ZFHX2: variants seen among roughly 807,000 people sequenced by gnomAD.
ZFHX2 encodes zinc finger homeobox protein 2.
Under a neutral mutation model 164.8 loss-of-function variants are expected in ZFHX2, and 75 were observed. The ratio of observed to expected loss-of-function variants is 0.46; its 90% CI spans 0.38 to 0.55. The LOEUF is 0.55. Ranked by LOEUF, ZFHX2 falls within the 20% of genes least tolerant of loss-of-function variation. The pLI is 0.00. For missense variants in ZFHX2, 2,933 were observed against 3,308.0 expected (o/e 0.89, Z 2.78); for synonymous variants, 1,217 against 1,351.4 (o/e 0.90, Z 2.18).
intron 1 of ZFHX2, among the ~76,000 whole-genome samples, chr14:23,540,919 T>C (rs1383555808): frequency 6.6e-6 from 1 of 152,010 alleles, no homozygotes; most frequent in African/African-American, 2.4e-5. Context: ...CTCTCTTTTT[T>C]TTTTGAGACA....
At chr14:23,529,194 G>C (rs1205500481) in intron 6 of ZFHX2, among the ~76,000 whole-genome samples, 1 of 152,212 alleles carries the variant, frequency 6.6e-6, no homozygotes, top group African/African-American at 2.4e-5. Context: ...TGCTGCCTAG[G>C]TCTGAGTCCT....
At chr14:23,529,257 G>C in intron 6 of ZFHX2, 4 of 162,296 alleles carry the variant, frequency 2.5e-5, no homozygotes, top group Admixed American at 6.1e-5. Flanking sequence ...TTTGGTTGGT[G>C]CCCCTACCCT....
upstream of ZFHX2, chr14:23,555,918 T>C (rs1420383771): frequency 3.3e-5 from 5 of 152,342 alleles, no homozygotes; most frequent in South Asian, 1.0e-3. Context: ...AGGCACCAAG[T>C]GCAGCTTTCC....
chr14:23,535,081 C>G lies in ZFHX2; in HGVS notation c.245G>C (p.Cys82Ser). Residue 82 changes from cysteine (C) to serine (S), a missense_variant, in exon 2 of 10, where the codon TGT (cysteine) becomes TCT (serine). Coordinates refer to ENST00000419474, the MANE Select transcript of ZFHX2 (RefSeq NM_033400.3). The surrounding 1 kb of genome is among the most constrained non-coding windows in gnomAD (Gnocchi z 4.5). ...EIGEPQEGPD[C>S]GHFPPNDPGV... ...TGGGTCATTTGGTGGGAAGTGACCA[C>G]AGTCAGGCCCTTCCTGGGGCTCCCC... 6.5e-7 allele frequency: 1 copy of G among 1,536,246 alleles called. No individual in the cohort carries two copies. Among genetic ancestry groups the G allele is most frequent in the Non-Finnish European group, 8.7e-7 (1 of 1,146,900 alleles).
intron 5 of ZFHX2, 124 bp downstream of exon 5, chr14:23,529,996 T>G (rs1423003256): frequency 4.5e-6 from 5 of 1,104,192 alleles, no homozygotes; most frequent in Non-Finnish European, 6.6e-6. Context: ...TTCCCCCTGA[T>G]GAGCCCTTTC....
rs1420995560 is a variant in ZFHX2 at position 23,534,000 on chromosome 14, G to A, written c.1326C>T (p.Ser442=). ...FQGLSLSSHM[S]LLHSRNSCKT... Reference sequence around the variant, plus strand: ...TGCAGGAGTTGCGTGAGTGGAGCAGGGACATGTGGCTGGACAGGCTGAGGC... The same window carrying A: ...TGCAGGAGTTGCGTGAGTGGAGCAGAGACATGTGGCTGGACAGGCTGAGGC... The change falls in exon 2 of 10, where the codon TCC becomes TCT. Residue 442 remains serine, a synonymous_variant. Coordinates refer to ENST00000419474, the MANE Select transcript of ZFHX2 (RefSeq NM_033400.3). The surrounding 1 kb of genome is among the most constrained non-coding windows in gnomAD (Gnocchi z 4.8). 4.6e-6 allele frequency: 7 copies of A among 1,537,390 alleles called. No individual in the cohort carries two copies. The highest frequency in any genetic ancestry group is 6.1e-6 in the Non-Finnish European group (7 of 1,146,948).
chr14:23,542,497 T>C (rs991437687), intron 1 of ZFHX2, among the ~76,000 whole-genome samples: 12 of 152,170 alleles, frequency 7.9e-5, no homozygotes, highest in Non-Finnish European at 1.8e-4. Context: ...AGGACAGCAG[T>C]GTGGAGCTGC....
rs147998579 is a variant in ZFHX2 at position 23,544,681 on chromosome 14, G to A, written c.-50+6662C>T. Reference sequence around the variant, plus strand: ...TTAGGGTGGTGGTAATTACTGGGATGGCCCAGCCCTAATGAGTGTGATCTC... The same window carrying A: ...TTAGGGTGGTGGTAATTACTGGGATAGCCCAGCCCTAATGAGTGTGATCTC... On this transcript the variant is annotated intron_variant, in intron 1 of 9. Transcript: ENST00000419474. Among the ~76,000 whole-genome samples, 21 of 152,316 alleles carry A rather than the reference G, an allele frequency of 1.4e-4. No homozygotes were observed. In the Middle Eastern group the frequency reaches 0.02, roughly 148 times the overall value.
Position 23,526,894 on chromosome 14 carries a change from G to A in ZFHX2, c.3215C>T (p.Pro1072Leu). 1 of 1,534,230 alleles carries A rather than the reference G, an allele frequency of 6.5e-7. No homozygotes were observed. Among genetic ancestry groups the A allele is most frequent in the Non-Finnish European group, 8.7e-7 (1 of 1,146,188 alleles). ...TGTAGGCTCTGGCCCATGAGTGGGG[G>A]GTTCTTGGCCATTGTCCAGAGGGCT... ...TLSPLDNGQEPPTHGPEPTPS... is the reference protein window; with the variant it reads ...TLSPLDNGQELPTHGPEPTPS... Residue 1072 changes from proline to leucine, a missense_variant, in exon 8 of 10, where the codon CCC becomes CTC. Transcript: ENST00000419474.
In ZFHX2 at chr14:23,526,598, G is replaced by A; in HGVS notation, c.3344C>T (p.Pro1115Leu). 1.3e-6 allele frequency: 2 copies of A among 1,535,832 alleles called. No individual in the cohort carries two copies. Among genetic ancestry groups the A allele is most frequent in the East Asian group, 2.4e-5 (1 of 40,834 alleles). The change falls in exon 9 of 10, where the codon CCC becomes CTC. Residue 1115 changes from proline (P) to leucine (L), a missense_variant. Transcript: ENST00000419474. ...AGGGGGTTGGCCAGGGCTTCCTGAGGGTTTGTCTGGGACCTCAACTGAGGC... is the reference window on the plus strand; with the variant it reads ...AGGGGGTTGGCCAGGGCTTCCTGAGAGTTTGTCTGGGACCTCAACTGAGGC... ...PLASVEVPDK[P>L]SGSPGQPPSP...
At chr14:23,537,618 C>T (rs540376525) in intron 1 of ZFHX2, among the ~76,000 whole-genome samples, 40 of 152,136 alleles carry the variant, frequency 2.6e-4, no homozygotes, top group African/African-American at 9.2e-4. Context: ...TGCAAATCAG[C>T]ACCTGGGAAA....
rs1327213121 is a variant in ZFHX2, at chr14:23,524,175, C to G, written c.5767G>C (p.Gly1923Arg). 6.5e-7 allele frequency: 1 copy of G among 1,536,114 alleles called. No homozygotes were observed. Among genetic ancestry groups the G allele is most frequent in the Admixed American group, 2.0e-5 (1 of 50,990 alleles). Residue 1923 changes from glycine to arginine, a missense_variant, in exon 9 of 10, where the codon GGG becomes CGG. Gly to Arg is a moderately radical substitution (Grantham distance 125, BLOSUM62 -2). Transcript: ENST00000419474. The surrounding 1 kb of genome is among the most constrained non-coding windows in gnomAD (Gnocchi z 5.6). The stretch of plus-strand genomic sequence containing the variant: ...GGTTTCACTGCTGGACTAGGCACCC[C>G]CCCAGGGGTGCTTCGAAACTGGCCT... ...RKGQFRSTPG[G>R]VPSPAVKPPA...
At position 23,526,841 on chromosome 14, in the gene ZFHX2, C is replaced by T. The variant is rs1053033674; in HGVS notation, c.3262+6G>A. 9 of 1,527,434 alleles carry T rather than the reference C, an allele frequency of 5.9e-6. No individual in the cohort carries two copies. The highest frequency in any genetic ancestry group is 7.9e-6 in the Non-Finnish European group (9 of 1,142,862). 94.6% of individuals were successfully genotyped at this position (1,527,434 alleles called of 1,614,324 possible). ...ACCTTGGGAGGTTTGCTGTTCCATT[C>T]CTTACCTGCTGCCTGGTCTCTGCTC... is the stretch of plus-strand genomic sequence containing the variant. On this transcript the variant is annotated splice_donor_region_variant and intron_variant, in intron 8 of 9. Transcript: ENST00000419474.
chr14:23,551,872 C>T (rs914119798), upstream of ZFHX2, among the ~76,000 whole-genome samples: 2 of 152,220 alleles, frequency 1.3e-5, no homozygotes, highest in African/African-American at 2.4e-5. This position sits in a 1 kb window ranked among gnomAD's most constrained non-coding sequence, Gnocchi z 5.3. Flanking sequence ...CCGCCTGCCT[C>T]GCGGGACCCA....
At position 23,540,913 on chromosome 14, in the gene ZFHX2, C is replaced by CT. The variant is rs368457124; in HGVS notation, c.-49-5540dup. On this transcript the variant is annotated intron_variant, in intron 1 of 9. Coordinates refer to ENST00000419474, the MANE Select transcript of ZFHX2 (RefSeq NM_033400.3). Reference sequence around the variant, plus strand: ...GTTCACCCCTTTTTCTTTTTTCTCTCTTTTTTTTTTGAGACAGAGTCTCGC... The same window carrying CT: ...GTTCACCCCTTTTTCTTTTTTCTCTCTTTTTTTTTTTGAGACAGAGTCTCGC... 6.8e-4 allele frequency among the ~76,000 whole-genome samples: 101 copies of CT among 149,248 alleles called. 1 individual carries two copies. The East Asian group carries it at 0.013, about 19-fold the overall frequency.
Position 23,526,546 on chromosome 14 carries a change from T to G in ZFHX2, c.3396A>C (p.Glu1132Asp). ...CTACGTCTTCAGCTTGGGCATCAGG[T>G]TCAGGGACTGGAGATGGGGCTGGAG... is the stretch of plus-strand genomic sequence containing the variant. ...PPSPAPSPVP[E>D]PDAQAEDVAP... The change falls in exon 9 of 10, where the codon GAA (glutamate) becomes GAC (aspartate). Residue 1132 changes from glutamate (E) to aspartate (D), a missense_variant. By Grantham distance (45) the Glu-to-Asp change is conservative. Coordinates refer to ENST00000419474, the MANE Select transcript of ZFHX2 (RefSeq NM_033400.3). The G allele has an allele frequency of 6.5e-7, 1 of 1,535,756 alleles. No homozygotes were observed. The highest frequency in any genetic ancestry group is 1.2e-5 in the South Asian group (1 of 84,026).
In ZFHX2 at chr14:23,522,470, G is replaced by A; in HGVS notation, c.7211C>T (p.Pro2404Leu). 6.5e-7 allele frequency: 1 copy of A among 1,535,646 alleles called. No individual in the cohort carries two copies. Among genetic ancestry groups the A allele is most frequent in the Non-Finnish European group, 8.7e-7 (1 of 1,146,514 alleles). ...GGCTGTGGGCTCAGGGGGCTGGGGT[G>A]GCGGCTGGAGGAGGGCATTGGGGAG... ...GLLPNALLQP[P>L]PQPPEPTATA... The change falls in exon 10 of 10, where the codon CCA becomes CTA. Residue 2404 changes from proline (P) to leucine (L), a missense_variant. By Grantham distance (98) the Pro-to-Leu change is moderately conservative. Coordinates refer to ENST00000419474, the MANE Select transcript of ZFHX2 (RefSeq NM_033400.3).
rs1405042650 is a variant in ZFHX2 at position 23,526,826 on chromosome 14, G to T, written c.3262+21C>A. ...GTCCCCTTTCCTGGTACCTTGGGAG[G>T]TTTGCTGTTCCATTCCTTACCTGCT... On this transcript the variant is annotated intron_variant, in intron 8 of 9. Coordinates refer to ENST00000419474, the MANE Select transcript of ZFHX2 (RefSeq NM_033400.3). 4 of 1,524,256 alleles carry T rather than the reference G, an allele frequency of 2.6e-6. No homozygotes were observed. In the East Asian group the frequency reaches 9.8e-5, roughly 37 times the overall value. The allele number at this position is 1,524,256 out of a possible 1,614,324, so 94.4% of individuals were successfully genotyped here.
chr14:23,530,460 A>G, intron 4 of ZFHX2: 1 of 644,630 alleles, frequency 1.6e-6, no homozygotes, highest in South Asian at 1.5e-5. Context: ...CCAGCAGTAG[A>G]CAGCAGAAAC....
Sources: allele counts gnomAD v4.1 joint callset (sites outside exome capture counted in the v4.1 genomes callset), GRCh38; gene constraint gnomAD v4.1.1; non-coding constraint Gnocchi (gnomAD v3.1); transcripts MANE v1.5; gene names NCBI Gene and HGNC (gene_info 2026-07-23, HGNC 2026-07-21).